Variants in BARD1 observed in about 807,000 individuals in gnomAD.
BARD1 encodes BRCA1-associated RING domain protein 1.
In BARD1, 73 loss-of-function variants were observed where a neutral mutation model predicts 77.0. The ratio of observed to expected loss-of-function variants is 0.95; its 90% CI spans 0.79 to 1.15. The LOEUF (loss-of-function observed/expected upper bound fraction) is 1.15. BARD1 is among the 50% of genes most tolerant of loss of function. The probability of loss-of-function intolerance (pLI) is 0.00; values close to 1 mark genes in which losing one functional copy is unlikely to be tolerated. For missense variants in BARD1, 993 were observed against 938.8 expected (o/e 1.06, Z -0.75); for synonymous variants, 384 against 338.0 (o/e 1.14, Z -1.49).
At chr2:214,773,593 A>G (rs1694609183) in intron 4 of BARD1, among the ~76,000 whole-genome samples, 1 of 152,194 alleles carries the variant, frequency 6.6e-6, no homozygotes, top group Admixed American at 6.5e-5. Context: ...TTATATGTGC[A>G]CTATACTGTA....
Position 214,729,257 on chromosome 2 carries a change from T to C in BARD1, c.2002-249A>G, listed in dbSNP as rs80353631. On this transcript the variant is annotated intron_variant, in intron 10 of 10. Coordinates refer to ENST00000260947, the MANE Select transcript of BARD1 (RefSeq NM_000465.4). ...TCTTGTACACCTTATGCACATAGCCTGAAGTAATTTTATACAATATCTTCA... is the reference window on the plus strand; with the variant it reads ...TCTTGTACACCTTATGCACATAGCCCGAAGTAATTTTATACAATATCTTCA... Among the ~76,000 whole-genome samples, 10,123 of 152,310 alleles carry C rather than the reference T, an allele frequency of 0.066. 473 individuals are homozygous for C. The highest frequency in any genetic ancestry group is 0.13 in the African/African-American group (5,511 of 41,550).
Position 214,767,531 on chromosome 2 carries a change from C to A in BARD1, c.1519G>T (p.Val507Leu), listed in dbSNP as rs2070094. The change falls in exon 6 of 11, where the codon GTG becomes TTG. Residue 507 changes from valine to leucine, a missense_variant. Coordinates refer to ENST00000260947, the MANE Select transcript of BARD1 (RefSeq NM_000465.4). ...GAAAGTAACAGCTTGACTATATCCA[C>A]ATGCCCATTCTTGGCTGCATCGTGA... ...PLHDAAKNGH[V>L]DIVKLLLSYG... 7 of 1,613,572 alleles carry A rather than the reference C, an allele frequency of 4.3e-6. No homozygotes were observed. The East Asian group carries it at 1.6e-4, about 36-fold the overall frequency.
Position 214,726,020 on chromosome 2 carries a change from A to C in BARD1, c.*2656T>G. 1 of 221,268 alleles carries C rather than the reference A, an allele frequency of 4.5e-6. No individual in the cohort carries two copies. The allele number at this position is 221,268 out of a possible 1,614,324, so 13.7% of individuals were successfully genotyped here. ...CTAGGCAGAGGTCACTTAACTATTA[A>C]ATTTACAAGGCAGGTGCAAAAAAAA... On this transcript the variant is annotated 3_prime_UTR_variant, in exon 11 of 11. Transcript: ENST00000260947.
At chr2:214,730,094 G>C (rs1692283416) in intron 10 of BARD1, 2 of 393,658 alleles carry the variant, frequency 5.1e-6, no homozygotes, top group South Asian at 4.8e-5. Flanking sequence ...TGGCCATAGA[G>C]ACATATGGTA....
intron 1 of BARD1, among the ~76,000 whole-genome samples, chr2:214,808,326 G>A (rs939769738): frequency 2.6e-5 from 4 of 152,196 alleles, no homozygotes; most frequent in African/African-American, 9.6e-5. Context: ...GGAGAATGGC[G>A]TGAACCCGGG....
At chr2:214,767,852 T>A (rs952124821) in intron 5 of BARD1, among the ~76,000 whole-genome samples, 198 bp from the exon 6 acceptor site, 1 of 152,158 alleles carries the variant, frequency 6.6e-6, no homozygotes, top group African/African-American at 2.4e-5. Flanking sequence ...TCTGTGTAAC[T>A]CATAAAAAAA....
Position 214,728,660 on chromosome 2 carries a change from T to A in BARD1, c.*16A>T. ...ACCGTGCAAATTCAATTTGAAATGT[T>A]CATCTGGTATAATATTCAGCTGTCA... On this transcript the variant is annotated 3_prime_UTR_variant, in exon 11 of 11. Coordinates refer to ENST00000260947, the MANE Select transcript of BARD1 (RefSeq NM_000465.4). 3 of 1,613,462 alleles carry A rather than the reference T, an allele frequency of 1.9e-6. No individual in the cohort carries two copies. Among genetic ancestry groups the A allele is most frequent in the Non-Finnish European group, 2.5e-6 (3 of 1,179,538 alleles).
intron 6 of BARD1, among the ~76,000 whole-genome samples, chr2:214,753,886 C>T (rs1693573486): frequency 6.6e-6 from 1 of 152,148 alleles, no homozygotes; most frequent in Non-Finnish European, 1.5e-5. Flanking sequence ...TGTATTCTGA[C>T]TCTTCTTTAT....
At chr2:214,775,007 G>A (rs1449909159) in intron 4 of BARD1, among the ~76,000 whole-genome samples, 1 of 152,128 alleles carries the variant, frequency 6.6e-6, no homozygotes, top group Non-Finnish European at 1.5e-5. Context: ...CTGGAGTAGG[G>A]TTTTGCTTAA....
In BARD1 at chr2:214,780,580, G is replaced by A. The variant is rs185164724; in HGVS notation, c.1294C>T (p.Leu432Phe). 18 of 1,613,924 alleles carry A rather than the reference G, an allele frequency of 1.1e-5. No individual in the cohort carries two copies. In the Admixed American group the frequency reaches 2.5e-4, roughly 22 times the overall value. ...VKRNHRGETL[L>F]HIASIKGDIP... ...CCTACCTTAATAGAAGCAATATGGA[G>A]CAAAGTCTCTCCTCTATGATTTCTT... Residue 432 changes from leucine to phenylalanine, a missense_variant, in exon 4 of 11, where the codon CTC becomes TTC. Leu to Phe is a conservative substitution (Grantham distance 22). Coordinates refer to ENST00000260947, the MANE Select transcript of BARD1 (RefSeq NM_000465.4).
At chr2:214,795,248 A>C (rs1695707188) in intron 2 of BARD1, among the ~76,000 whole-genome samples, 1 of 152,196 alleles carries the variant, frequency 6.6e-6, no homozygotes, top group Non-Finnish European at 1.5e-5. Context: ...AGTAAGCCTC[A>C]CAGAAATCTG....
intron 7 of BARD1, among the ~76,000 whole-genome samples, chr2:214,750,666 C>T (rs1013503977): frequency 2.6e-5 from 4 of 152,100 alleles, no homozygotes; most frequent in African/African-American, 7.2e-5. Context: ...AACCTCCAGC[C>T]CCAGGAGGGG....
At chr2:214,736,048 C>A (rs923268999) in intron 9 of BARD1, among the ~76,000 whole-genome samples, 5 of 151,910 alleles carry the variant, frequency 3.3e-5, no homozygotes, top group Non-Finnish European at 7.4e-5. Context: ...ATTTCCGAAT[C>A]TTATAATTTT....
chr2:214,802,460 C>G (rs562329265), intron 1 of BARD1, among the ~76,000 whole-genome samples: 1 of 152,178 alleles, frequency 6.6e-6, no homozygotes, highest in African/African-American at 2.4e-5. Flanking sequence ...TGGGTTGATC[C>G]AGACATAACC....
intron 4 of BARD1, among the ~76,000 whole-genome samples, chr2:214,774,870 T>C (rs1694669747): frequency 1.3e-5 from 2 of 152,218 alleles, no homozygotes; most frequent in South Asian, 4.1e-4. Context: ...ACTTGCATTG[T>C]TATATTATGG....
rs908862155 is a variant in BARD1 at position 214,726,398 on chromosome 2, T to G, written c.*2278A>C. On this transcript the variant is annotated 3_prime_UTR_variant, in exon 11 of 11. Coordinates refer to ENST00000260947, the MANE Select transcript of BARD1 (RefSeq NM_000465.4). ...ACTTTTAGAGACACAAAGCAATCAG[T>G]GTGTAATTGTTTCTTAATGACTATT... The G allele has an allele frequency of 4.8e-6, 1 of 208,038 alleles. No individual in the cohort carries two copies. The highest frequency in any genetic ancestry group is 9.8e-6 in the Non-Finnish European group (1 of 102,118). The allele number at this position is 208,038 out of a possible 1,614,324, so 12.9% of individuals were successfully genotyped here.
At chr2:214,729,070 A>G (rs1253828950) in intron 10 of BARD1, 62 bp from the exon 11 acceptor site, 4 of 1,468,064 alleles carry the variant, frequency 2.7e-6, no homozygotes, top group African/African-American at 1.4e-5. Flanking sequence ...AAAACACTGT[A>G]TATGAATGAG....
intron 4 of BARD1, among the ~76,000 whole-genome samples, chr2:214,775,003 T>C (rs1244830933): frequency 6.6e-6 from 1 of 152,060 alleles, no homozygotes. Context: ...TGCTCTGGAG[T>C]AGGGTTTTGC....
chr2:214,777,932 C>T (rs551200790), intron 4 of BARD1, among the ~76,000 whole-genome samples: 1 of 152,284 alleles, frequency 6.6e-6, no homozygotes, highest in East Asian at 1.9e-4. Flanking sequence ...GGTATGGTGG[C>T]TCATGCCTGT....
Sources: allele counts gnomAD v4.1 joint callset (sites outside exome capture counted in the v4.1 genomes callset), GRCh38; gene constraint gnomAD v4.1.1; transcripts MANE v1.5; gene names NCBI Gene and HGNC (gene_info 2026-07-23, HGNC 2026-07-21).